WBP1L: variants seen among roughly 807,000 people sequenced by gnomAD.
WBP1L encodes WW domain binding protein 1-like.
In WBP1L, 17 loss-of-function variants were observed where a neutral mutation model predicts 33.7. The observed-to-expected ratio is 0.50, with a 90% confidence interval of 0.34 to 0.76. The LOEUF (loss-of-function observed/expected upper bound fraction) is 0.76. Ranked by LOEUF, WBP1L falls within the 30% of genes least tolerant of loss-of-function variation. The pLI is 0.01. For missense variants in WBP1L, 389 were observed against 469.4 expected (o/e 0.83, Z 1.58); for synonymous variants, 173 against 190.8 (o/e 0.91, Z 0.77).
chr10:102,752,102 C>T (rs1842929689), intron 1 of WBP1L, among the ~76,000 whole-genome samples: 1 of 152,088 alleles, frequency 6.6e-6, no homozygotes, highest in African/African-American at 2.4e-5. Flanking sequence ...TTCCAGAGGA[C>T]ATTAGTCACT....
chr10:102,745,866 G>A (rs988624827), intron 1 of WBP1L, among the ~76,000 whole-genome samples: 1 of 152,150 alleles, frequency 6.6e-6, no homozygotes, highest in Non-Finnish European at 1.5e-5. Flanking sequence ...ACTGGCAGAA[G>A]AAATATATTT....
intron 1 of WBP1L, among the ~76,000 whole-genome samples, chr10:102,796,706 T>G (rs566180777): frequency 1.3e-5 from 2 of 152,342 alleles, no homozygotes; most frequent in East Asian, 3.8e-4. Flanking sequence ...TTATTCATCT[T>G]TGTATCCCTT....
At chr10:102,806,951 T>G (rs1251441611) in intron 2 of WBP1L, among the ~76,000 whole-genome samples, 1 of 152,124 alleles carries the variant, frequency 6.6e-6, no homozygotes, top group Non-Finnish European at 1.5e-5. Context: ...ACATCAAGGA[T>G]TTATTCATTT....
Position 102,766,966 on chromosome 10 carries a change from G to A in WBP1L, c.90+22823G>A, listed in dbSNP as rs145183053. Among the ~76,000 whole-genome samples the A allele has an allele frequency of 3.9e-3, 589 of 152,308 alleles. 1 individual carries two copies. The highest frequency in any genetic ancestry group is 6.4e-3 in the Non-Finnish European group (438 of 68,028). On this transcript the variant is annotated intron_variant, in intron 1 of 3. Coordinates refer to ENST00000448841, the MANE Select transcript of WBP1L (RefSeq NM_001083913.2). ...TGTGAGGAGGCATGAAATGTATCTG[G>A]AGATAGCTATGAGCTGCAGCCTGCT...
intron 1 of WBP1L, among the ~76,000 whole-genome samples, chr10:102,758,736 C>T (rs1256246679): frequency 6.6e-6 from 1 of 152,066 alleles, no homozygotes; most frequent in African/African-American, 2.4e-5. Flanking sequence ...AGCAGCTGGG[C>T]TTGCTGAGAT....
chr10:102,768,053 C>T (rs989296122), intron 1 of WBP1L, among the ~76,000 whole-genome samples: 2 of 152,088 alleles, frequency 1.3e-5, no homozygotes, highest in African/African-American at 4.8e-5. Context: ...ATTTCAGTAT[C>T]CATCTCTTTG....
At chr10:102,779,179 C>T (rs190057005) in intron 1 of WBP1L, among the ~76,000 whole-genome samples, 1 of 151,788 alleles carries the variant, frequency 6.6e-6, no homozygotes, top group South Asian at 2.1e-4. Context: ...CCCCTTAATC[C>T]CAGCTTTTCA....
chr10:102,783,514 G>A (rs1447284567), intron 1 of WBP1L, among the ~76,000 whole-genome samples: 1 of 152,208 alleles, frequency 6.6e-6, no homozygotes, highest in African/African-American at 2.4e-5. Flanking sequence ...GAGCGGGGTG[G>A]TGGCAGGGAG....
chr10:102,790,157 T>C (rs1843476051), intron 1 of WBP1L, among the ~76,000 whole-genome samples: 1 of 152,224 alleles, frequency 6.6e-6, no homozygotes, highest in Non-Finnish European at 1.5e-5. Context: ...CCATGTTTTC[T>C]CTTGTAGAAG....
chr10:102,788,559 C>A (rs1471701930), intron 1 of WBP1L, among the ~76,000 whole-genome samples: 4 of 152,064 alleles, frequency 2.6e-5, no homozygotes, highest in African/African-American at 9.7e-5. Flanking sequence ...TAGGATAGAA[C>A]AAAAATAGCT....
chr10:102,763,986 G>T (rs200194802), intron 1 of WBP1L, among the ~76,000 whole-genome samples: 3 of 150,834 alleles, frequency 2.0e-5, no homozygotes, highest in Middle Eastern at 3.4e-3. Flanking sequence ...GCTAATTTTC[G>T]TATTTTTGGT....
intron 2 of WBP1L, among the ~76,000 whole-genome samples, chr10:102,801,226 T>TA (rs1843653748): frequency 6.6e-6 from 1 of 152,196 alleles, no homozygotes; most frequent in Non-Finnish European, 1.5e-5. Flanking sequence ...TTGAGGCTAT[T>TA]AAGGACCTGA....
chr10:102,767,895 T>TA (rs1843132319), intron 1 of WBP1L, among the ~76,000 whole-genome samples: 1 of 152,212 alleles, frequency 6.6e-6, no homozygotes, highest in Non-Finnish European at 1.5e-5. Flanking sequence ...TGTACATGTG[T>TA]AGGGCCTTGA....
At chr10:102,760,517 C>T (rs1843025277) in intron 1 of WBP1L, among the ~76,000 whole-genome samples, 1 of 151,758 alleles carries the variant, frequency 6.6e-6, no homozygotes, top group Non-Finnish European at 1.5e-5. Flanking sequence ...GCTGGGATTA[C>T]GGGCATGCAC....
rs559425406 is a variant in WBP1L at position 102,776,233 on chromosome 10, C to T, written c.91-21760C>T. 2.5e-5 allele frequency: 39 copies of T among 1,539,018 alleles called. No homozygotes were observed. The East Asian group carries it at 5.2e-4, about 21-fold the overall frequency. On this transcript the variant is annotated intron_variant, in intron 1 of 3. Transcript: ENST00000448841. ...GAGAGCAGGAGACAGTGTGCCTGCT[C>T]GGTCCCAGGACTCTGTTTACTTTGT...
At chr10:102,773,404 A>G (rs570779944) in intron 1 of WBP1L, among the ~76,000 whole-genome samples, 1 of 152,346 alleles carries the variant, frequency 6.6e-6, no homozygotes, top group East Asian at 1.9e-4. Flanking sequence ...ATCTGTGAGA[A>G]GATAAAAATA....
chr10:102,776,129 A>C, intron 1 of WBP1L: 1 of 1,364,748 alleles, frequency 7.3e-7, no homozygotes. Flanking sequence ...CCCTTGGCAG[A>C]CAGCTTCGGC....
At chr10:102,766,177 C>G (rs556542906) in intron 1 of WBP1L, among the ~76,000 whole-genome samples, 144 of 152,010 alleles carry the variant, frequency 9.5e-4, no homozygotes, top group African/African-American at 3.3e-3. Context: ...TGCAGTGGCT[C>G]ACATCTGTAA....
rs780866832 is a variant in WBP1L at position 102,798,118 on chromosome 10, C to T, written c.193+23C>T. 5.0e-6 allele frequency: 8 copies of T among 1,602,710 alleles called. No individual in the cohort carries two copies. In the South Asian group the frequency reaches 7.7e-5, roughly 15 times the overall value. The stretch of plus-strand genomic sequence containing the variant: ...GGTGTAAGTCCTTGCTTGGGTGCCT[C>T]TCAGTATCCCAGGGTCCCAGTTACT... On this transcript the variant is annotated intron_variant, in intron 2 of 3. Transcript: ENST00000448841.
Sources: allele counts gnomAD v4.1 joint callset (sites outside exome capture counted in the v4.1 genomes callset), GRCh38; gene constraint gnomAD v4.1.1; transcripts MANE v1.5; gene names NCBI Gene and HGNC (gene_info 2026-07-23, HGNC 2026-07-21).